SLIT2: variants seen among roughly 807,000 people sequenced by gnomAD.
SLIT2 encodes slit guidance ligand 2, also known as slit homolog 2 protein.
Under a neutral mutation model 185.7 loss-of-function variants are expected in SLIT2, and 41 were observed. The ratio of observed to expected loss-of-function variants is 0.22; its 90% CI spans 0.17 to 0.29. The LOEUF is 0.29. Ranked by LOEUF, SLIT2 falls within the 10% of genes least tolerant of loss-of-function variation. SLIT2 has a pLI of 1.00. For missense variants in SLIT2, 1,571 were observed against 1,909.0 expected (o/e 0.82, Z 3.30); for synonymous variants, 693 against 680.2 (o/e 1.02, Z -0.29).
intron 4 of SLIT2, among the ~76,000 whole-genome samples, chr4:20,418,336 GA>G (rs1227837340): frequency 6.6e-6 from 1 of 152,008 alleles, no homozygotes; most frequent in African/African-American, 2.4e-5. Flanking sequence ...TTTATGTGTA[GA>G]AAAAAACACG....
chr4:20,573,346 A>G (rs1045598998), intron 29 of SLIT2: 49 of 696,542 alleles, frequency 7.0e-5, no homozygotes, highest in Non-Finnish European at 1.2e-4. Context: ...GCGGGTACAC[A>G]GTAAAAAGGA....
At chr4:20,457,533 A>G (rs1713212403) in intron 4 of SLIT2, among the ~76,000 whole-genome samples, 1 of 152,054 alleles carries the variant, frequency 6.6e-6, no homozygotes. Flanking sequence ...CTCTATTGCA[A>G]GGTCTTTTTT....
chr4:20,510,405 C>A, intron 9 of SLIT2, 90 bp from the exon 10 acceptor site: 1 of 846,742 alleles, frequency 1.2e-6, no homozygotes, highest in Non-Finnish European at 2.0e-6. Context: ...AGAACATCAA[C>A]TTTACTTCTT....
At chr4:20,420,655 A>C (rs1195470632) in intron 4 of SLIT2, among the ~76,000 whole-genome samples, 1 of 152,018 alleles carries the variant, frequency 6.6e-6, no homozygotes, top group Non-Finnish European at 1.5e-5. Context: ...AAGGAAAAGG[A>C]GAGAGAAAGG....
intron 6 of SLIT2, among the ~76,000 whole-genome samples, chr4:20,485,608 G>A (rs144701011): frequency 9.9e-5 from 15 of 152,144 alleles, no homozygotes; most frequent in Non-Finnish European, 1.5e-4. Flanking sequence ...CTTTTAACAC[G>A]GTGCTACAGC....
At chr4:20,279,099 A>C (rs1308699026) in intron 4 of SLIT2, among the ~76,000 whole-genome samples, 1 of 152,206 alleles carries the variant, frequency 6.6e-6, no homozygotes, top group East Asian at 1.9e-4. Context: ...TCTTAAAAAA[A>C]ATAGGAATAA....
At chr4:20,537,720 A>G (rs1560175585) in intron 18 of SLIT2, among the ~76,000 whole-genome samples, 1 of 152,140 alleles carries the variant, frequency 6.6e-6, no homozygotes, top group South Asian at 2.1e-4. Flanking sequence ...TTAATCCTAG[A>G]ATAGTTTTAT....
intron 4 of SLIT2, among the ~76,000 whole-genome samples, chr4:20,283,388 T>C (rs1401090760): frequency 6.6e-6 from 1 of 152,174 alleles, no homozygotes; most frequent in East Asian, 1.9e-4. Flanking sequence ...TTGGAGATGA[T>C]TGGTGGACTT....
intron 6 of SLIT2, among the ~76,000 whole-genome samples, chr4:20,482,505 A>G (rs1716805301): frequency 6.6e-6 from 1 of 152,068 alleles, no homozygotes; most frequent in South Asian, 2.1e-4. Context: ...CTTCAGAAGC[A>G]GTACGTTTAT....
chr4:20,288,184 A>T (rs4386603), intron 4 of SLIT2, among the ~76,000 whole-genome samples: 1 of 151,700 alleles, frequency 6.6e-6, no homozygotes, highest in Non-Finnish European at 1.5e-5. Context: ...TTAAAAAAAC[A>T]GTGTGTGAGT....
intron 4 of SLIT2, among the ~76,000 whole-genome samples, chr4:20,453,302 A>G (rs960806170): frequency 6.6e-6 from 1 of 152,218 alleles, no homozygotes; most frequent in Non-Finnish European, 1.5e-5. Context: ...TGACAGCAAT[A>G]TAATTCACAA....
intron 4 of SLIT2, among the ~76,000 whole-genome samples, chr4:20,435,398 A>G (rs1438831809): frequency 1.3e-5 from 2 of 152,238 alleles, no homozygotes; most frequent in Non-Finnish European, 2.9e-5. Flanking sequence ...TTAATAAGAC[A>G]GTACAATTTA....
intron 29 of SLIT2, among the ~76,000 whole-genome samples, chr4:20,577,010 T>G (rs1285671067): frequency 6.6e-6 from 1 of 151,930 alleles, no homozygotes; most frequent in Non-Finnish European, 1.5e-5. Flanking sequence ...ATATACCAGA[T>G]GCTTATTGAG....
intron 4 of SLIT2, among the ~76,000 whole-genome samples, chr4:20,438,026 A>G (rs1446047909): frequency 6.6e-6 from 1 of 152,128 alleles, no homozygotes; most frequent in African/African-American, 2.4e-5. Flanking sequence ...TACATTCACA[A>G]TATATCCAGA....
chr4:20,551,619 G>T (rs761275157), intron 25 of SLIT2, among the ~76,000 whole-genome samples: 3 of 152,158 alleles, frequency 2.0e-5, no homozygotes, highest in Non-Finnish European at 4.4e-5. Flanking sequence ...AGGATCCAAA[G>T]CCTCCTTGGC....
intron 4 of SLIT2, among the ~76,000 whole-genome samples, chr4:20,351,783 A>T (rs1721900614): frequency 6.6e-6 from 1 of 152,176 alleles, no homozygotes; most frequent in Non-Finnish European, 1.5e-5. Flanking sequence ...TAGTGTGTTA[A>T]TGGGGTGCTG....
chr4:20,452,548 C>A (rs537417100), intron 4 of SLIT2, among the ~76,000 whole-genome samples: 1 of 152,224 alleles, frequency 6.6e-6, no homozygotes, highest in East Asian at 1.9e-4. Context: ...CATCTGCTAT[C>A]TTTTTTCCTC....
chr4:20,612,591 A>G (rs1330024026), intron 34 of SLIT2, among the ~76,000 whole-genome samples: 2 of 152,086 alleles, frequency 1.3e-5, no homozygotes, highest in Non-Finnish European at 2.9e-5. Context: ...CAGAGGGAGA[A>G]AAGGAGAGCA....
intron 4 of SLIT2, among the ~76,000 whole-genome samples, chr4:20,353,178 C>A (rs1295331183): frequency 6.6e-6 from 1 of 152,052 alleles, no homozygotes; most frequent in Non-Finnish European, 1.5e-5. Context: ...GCATTCATAG[C>A]AGATGTGGAA....
Sources: gnomAD v4.1 joint callset for allele counts (sites outside exome capture counted in the v4.1 genomes callset) on GRCh38, gnomAD v4.1.1 for gene constraint, MANE v1.5 for transcripts, NCBI Gene and HGNC (gene_info 2026-07-23, HGNC 2026-07-21) for gene names.